MPHOSPH9: variants seen among roughly 807,000 people sequenced by gnomAD.
MPHOSPH9 encodes the protein M-phase phosphoprotein 9.
In MPHOSPH9, 88 loss-of-function variants were observed where a neutral mutation model predicts 145.5. That is an observed-to-expected ratio of 0.60 (90% CI 0.51 to 0.72). MPHOSPH9 has a LOEUF of 0.72. MPHOSPH9 is among the 30% of genes least tolerant of loss of function. The pLI, the probability that MPHOSPH9 is intolerant of heterozygous loss-of-function variation, is 0.00. For synonymous variants in MPHOSPH9, 435 were observed against 486.2 expected (o/e 0.89, Z 1.39); for missense variants, 1,238 against 1,386.6 (o/e 0.89, Z 1.70).
At chr12:123,243,268 CGCCTGTAATCCCA>C (rs144871428) in intron 1 of MPHOSPH9, among the ~76,000 whole-genome samples, 7,250 of 151,624 alleles carry the variant, frequency 0.048, 305 homozygotes, top group East Asian at 0.25. Flanking sequence ...CAATGGCTCA[CGCCTGTAATCCCA>C]GCACTTTGGG....
chr12:123,169,235 C>A (rs2044467936), intron 16 of MPHOSPH9, among the ~76,000 whole-genome samples: 1 of 150,316 alleles, frequency 6.7e-6, no homozygotes, highest in South Asian at 2.2e-4. Context: ...GTGGCTCATG[C>A]CTATAATCCT....
chr12:123,172,141 G>T (rs535446493), intron 16 of MPHOSPH9, among the ~76,000 whole-genome samples: 1 of 152,108 alleles, frequency 6.6e-6, no homozygotes, highest in Non-Finnish European at 1.5e-5. Flanking sequence ...TGACCGTCTA[G>T]CTGAGGATCA....
chr12:123,194,528 C>G lies in MPHOSPH9; in HGVS notation c.2099G>C (p.Arg700Thr). 1 of 1,613,042 alleles carries G rather than the reference C, an allele frequency of 6.2e-7. No homozygotes were observed. Among genetic ancestry groups the G allele is most frequent in the Non-Finnish European group, 8.5e-7 (1 of 1,179,838 alleles). The change falls in exon 13 of 24, where the codon AGA becomes ACA. Residue 700 changes from arginine to threonine, a missense_variant. Arg to Thr is a moderately conservative substitution (Grantham distance 71). Around this residue, in one of 3 missense-constraint regions of MPHOSPH9, gnomAD observed 837 missense variants for 897.5 expected, o/e 0.93. Transcript: ENST00000606320. ...KILQERIEEM[R>T]TSSKEKDNTI... is the part of the protein sequence containing the mutation. ...ATTGTCTTTTTCTTTACTGCTTGTT[C>G]TCATTTCTTCAATTCGTTCCTGCAA...
Position 123,155,410 on chromosome 12 carries a change from G to A in MPHOSPH9, c.*1397C>T, listed in dbSNP as rs1337805647. On this transcript the variant is annotated 3_prime_UTR_variant, in exon 24 of 24. Transcript: ENST00000606320. Reference sequence around the variant, plus strand: ...CTGGCCTGGGGACCAGCCAGGTGAAGGGTGCTCAAAGGTCATTTGAGAGCC... The same window carrying A: ...CTGGCCTGGGGACCAGCCAGGTGAAAGGTGCTCAAAGGTCATTTGAGAGCC... 2.0e-5 allele frequency: 3 copies of A among 152,130 alleles called. No homozygotes were observed. The highest frequency in any genetic ancestry group is 7.2e-5 in the African/African-American group (3 of 41,420). The allele number at this position is 152,130 out of a possible 1,614,324, so 9.4% of individuals were successfully genotyped here. A position where few individuals can be genotyped will look rare whatever the true frequency, so the allele number is the denominator to read the frequency against.
chr12:123,235,471 TCTC>T (rs1215020256), upstream of MPHOSPH9, among the ~76,000 whole-genome samples: 8 of 151,776 alleles, frequency 5.3e-5, no homozygotes, highest in Non-Finnish European at 1.2e-4. Flanking sequence ...TTCACGCCAT[TCTC>T]CTGCCTTAGC....
chr12:123,166,107 C>A (rs112040169), intron 17 of MPHOSPH9, among the ~76,000 whole-genome samples: 319 of 152,222 alleles, frequency 2.1e-3, no homozygotes, highest in African/African-American at 6.9e-3. Context: ...AGAGGATCTA[C>A]ATCTTTTGTT....
intron 16 of MPHOSPH9, among the ~76,000 whole-genome samples, chr12:123,172,871 C>CTTTTCTTT (rs2044648541): frequency 1.7e-5 from 1 of 57,932 alleles, no homozygotes; most frequent in Non-Finnish European, 3.2e-5. Flanking sequence ...TTTTCATTCA[C>CTTTTCTTT]TTTTTTTTTT....
chr12:123,161,242 G>A lies in MPHOSPH9; in HGVS notation c.3275C>T (p.Pro1092Leu), dbSNP rs765664952. ...NKSVSYEQCK[P>L]VSVTPQGNDF... ...ATTCCCCTGTGGAGTGACTGAAACC[G>A]GCTTACACTGTTCGTAGCTAACTGA... The change falls in exon 22 of 24, where the codon CCG (proline) becomes CTG (leucine). Residue 1092 changes from proline to leucine, a missense_variant. Pro to Leu is a moderately conservative substitution (Grantham distance 98). Transcript: ENST00000606320. 15 of 1,614,046 alleles carry A rather than the reference G, an allele frequency of 9.3e-6. No homozygotes were observed. The highest frequency in any genetic ancestry group is 8.8e-5 in the South Asian group (8 of 91,072).
rs1377506538 is a variant in MPHOSPH9, at chr12:123,161,234, C to G, written c.3283G>C (p.Val1095Leu). The G allele has an allele frequency of 6.2e-7, 1 of 1,614,144 alleles. No homozygotes were observed. The highest frequency in any genetic ancestry group is 1.1e-5 in the South Asian group (1 of 91,082). The change falls in exon 22 of 24, where the codon GTC becomes CTC. Residue 1095 changes from valine (V) to leucine (L), a missense_variant. Physicochemically the swap from Val to Leu is conservative, Grantham distance 32. This residue lies in a region of MPHOSPH9 where 393 missense variants were observed against 462.5 expected (regional missense o/e 0.85). Coordinates refer to ENST00000606320, the MANE Select transcript of MPHOSPH9 (RefSeq NM_022782.4). ...VSYEQCKPVSVTPQGNDFEYT... is the reference protein window; with the variant it reads ...VSYEQCKPVSLTPQGNDFEYT... ...TCAAAATCATTCCCCTGTGGAGTGA[C>G]TGAAACCGGCTTACACTGTTCGTAG...
rs370527797 is a variant in MPHOSPH9 at position 123,166,623 on chromosome 12, C to T, written c.2591+32G>A. 1.7e-5 allele frequency: 28 copies of T among 1,605,184 alleles called. No homozygotes were observed. The African/African-American group carries it at 3.2e-4, about 18-fold the overall frequency. ...GAAATCTCTAAGAAAACATAACATCCCTAAATAGAATCTTTAGCAAAGTTA... is the reference window on the plus strand; with the variant it reads ...GAAATCTCTAAGAAAACATAACATCTCTAAATAGAATCTTTAGCAAAGTTA... On this transcript the variant is annotated intron_variant, in intron 17 of 23. Coordinates refer to ENST00000606320, the MANE Select transcript of MPHOSPH9 (RefSeq NM_022782.4).
At chr12:123,239,619 G>A (rs1246262113) in intron 1 of MPHOSPH9, among the ~76,000 whole-genome samples, 1 of 152,108 alleles carries the variant, frequency 6.6e-6, no homozygotes, top group Non-Finnish European at 1.5e-5. Flanking sequence ...AGCCAGGATG[G>A]TCTCGATCTC....
rs569041942 is a variant in MPHOSPH9 at position 123,186,500 on chromosome 12, G to A, written c.2242-5290C>T. On this transcript the variant is annotated intron_variant, in intron 13 of 23. Transcript: ENST00000606320. ...GCTTGAAACTTTGAAAGCCATGGGA[G>A]GGGAGAGAAAGGAAAAGAATTGATC... is the stretch of plus-strand genomic sequence containing the variant. Among the ~76,000 whole-genome samples the A allele has an allele frequency of 1.1e-4, 17 of 152,194 alleles. No homozygotes were observed. In the South Asian group the frequency reaches 2.7e-3, roughly 24 times the overall value.
At position 123,176,935 on chromosome 12, in the gene MPHOSPH9, T is replaced by C. The variant is rs868413876; in HGVS notation, c.2355-146A>G. 2.3e-4 allele frequency: 148 copies of C among 632,352 alleles called. 2 individuals are homozygous for C. The Middle Eastern group carries it at 2.6e-3, about 11-fold the overall frequency. The allele number at this position is 632,352 out of a possible 1,614,324, so 39.2% of individuals were successfully genotyped here. ...GGCCGGGAATGGTGGCTCACCCCTGTAATCCCAGCACTTTGGGAGGCGGAG... is the reference window on the plus strand; with the variant it reads ...GGCCGGGAATGGTGGCTCACCCCTGCAATCCCAGCACTTTGGGAGGCGGAG... On this transcript the variant is annotated intron_variant, in intron 15 of 23. Coordinates refer to ENST00000606320, the MANE Select transcript of MPHOSPH9 (RefSeq NM_022782.4).
At chr12:123,206,306 A>C (rs11057190) in intron 8 of MPHOSPH9, among the ~76,000 whole-genome samples, 58 of 149,614 alleles carry the variant, frequency 3.9e-4, no homozygotes, top group South Asian at 3.2e-3. Context: ...AACAAACAAA[A>C]AAAAAATGAG....
chr12:123,185,545 A>C (rs1036738989), intron 13 of MPHOSPH9, among the ~76,000 whole-genome samples: 7 of 152,016 alleles, frequency 4.6e-5, no homozygotes, highest in African/African-American at 1.7e-4. Flanking sequence ...GGAGTTGGAG[A>C]CCAGCAAGAG....
intron 3 of MPHOSPH9, among the ~76,000 whole-genome samples, chr12:123,223,668 A>C (rs1338159885): frequency 1.3e-5 from 2 of 152,136 alleles, no homozygotes; most frequent in African/African-American, 4.8e-5. Flanking sequence ...ATTTCAGCCT[A>C]ATTGTCATCT....
chr12:123,230,371 C>T lies in MPHOSPH9; in HGVS notation c.-7G>A. ...CCAAGTCAAACTCTTCCATAGTGTACAGAAATTGTTATATTCTCTTATTGG... is the reference window on the plus strand; with the variant it reads ...CCAAGTCAAACTCTTCCATAGTGTATAGAAATTGTTATATTCTCTTATTGG... On this transcript the variant is annotated 5_prime_UTR_variant, in exon 2 of 24. Transcript: ENST00000606320. The T allele has an allele frequency of 6.8e-7, 1 of 1,479,580 alleles. No homozygotes were observed. Among genetic ancestry groups the T allele is most frequent in the Non-Finnish European group, 9.1e-7 (1 of 1,104,034 alleles). 91.7% of individuals were successfully genotyped at this position (1,479,580 alleles called of 1,614,324 possible). A position where few individuals can be genotyped will look rare whatever the true frequency, so the allele number is the denominator to read the frequency against.
intron 3 of MPHOSPH9, among the ~76,000 whole-genome samples, chr12:123,226,890 G>T (rs1204891073): frequency 6.6e-6 from 1 of 152,056 alleles, no homozygotes; most frequent in African/African-American, 2.4e-5. Context: ...TCCCACCTTG[G>T]CCGCCTAAAG....
rs2044335311 is a variant in MPHOSPH9, at chr12:123,166,686, C to A, written c.2560G>T (p.Asp854Tyr). The change falls in exon 17 of 24, where the codon GAT becomes TAT. Residue 854 changes from aspartate to tyrosine, a missense_variant. Physicochemically the swap from Asp to Tyr is radical, Grantham distance 160 (BLOSUM62 -3). Coordinates refer to ENST00000606320, the MANE Select transcript of MPHOSPH9 (RefSeq NM_022782.4). ...QPLDTQDSNV[D>Y]NQLEETCSLG... is the part of the protein sequence containing the mutation. ...CTACAGGTTTCCTCCAGCTGGTTATCCACGTTACTGTCCTGGGTGTCCAGA... is the reference window on the plus strand; with the variant it reads ...CTACAGGTTTCCTCCAGCTGGTTATACACGTTACTGTCCTGGGTGTCCAGA... The A allele has an allele frequency of 6.2e-7, 1 of 1,613,778 alleles. No homozygotes were observed. Among genetic ancestry groups the A allele is most frequent in the African/African-American group, 1.3e-5 (1 of 74,908 alleles).
Sources: allele counts gnomAD v4.1 joint callset (sites outside exome capture counted in the v4.1 genomes callset), GRCh38; gene constraint gnomAD v4.1.1; regional missense constraint gnomAD v4.1.1; transcripts MANE v1.5; gene names NCBI Gene and HGNC (gene_info 2026-07-23, HGNC 2026-07-21).